The following TESK2 variants were observed in gnomAD, a reference collection of about 807,000 sequenced individuals.
TESK2 encodes dual specificity testis-specific protein kinase 2.
TESK2 carries 39 observed loss-of-function variants against 57.1 expected under a neutral mutation model. The observed-to-expected ratio is 0.68, with a 90% confidence interval of 0.53 to 0.89. The LOEUF (loss-of-function observed/expected upper bound fraction) is 0.89, where lower values mean the gene tolerates loss of function less well. Among genes scored for constraint, TESK2 ranks in the 40% least tolerant of loss-of-function variants. The pLI is 0.00. For missense variants in TESK2, 646 were observed against 732.1 expected (o/e 0.88, Z 1.36); for synonymous variants, 249 against 267.9 (o/e 0.93, Z 0.69).
chr1:45,453,930 C>G (rs1319570656), intron 2 of TESK2, among the ~76,000 whole-genome samples: 1 of 152,102 alleles, frequency 6.6e-6, no homozygotes, highest in Non-Finnish European at 1.5e-5. Flanking sequence ...CTCAATATCA[C>G]TAGTTGTTTA....
Position 45,346,968 on chromosome 1 carries a change from T to C in TESK2, c.792+11A>G. On this transcript the variant is annotated intron_variant, in intron 8 of 10. Coordinates refer to ENST00000372086, the MANE Select transcript of TESK2 (RefSeq NM_007170.3). Reference sequence around the variant, plus strand: ...CCATCAGTGGCAATGATCCCCATGCTTGCAGCTCACCTCTGTGCGGGGAAG... The same window carrying C: ...CCATCAGTGGCAATGATCCCCATGCCTGCAGCTCACCTCTGTGCGGGGAAG... The C allele has an allele frequency of 6.2e-7, 1 of 1,614,022 alleles. No individual in the cohort carries two copies. Among genetic ancestry groups the C allele is most frequent in the Non-Finnish European group, 8.5e-7 (1 of 1,179,852 alleles).
intron 4 of TESK2, among the ~76,000 whole-genome samples, chr1:45,380,975 A>AAT (rs1198313269): frequency 6.6e-6 from 1 of 152,230 alleles, no homozygotes; most frequent in African/African-American, 2.4e-5. Context: ...TTGTAATAGA[A>AAT]ATAGACTTTG....
intron 1 of TESK2, among the ~76,000 whole-genome samples, chr1:45,489,491 C>T (rs1200945721): frequency 1.3e-5 from 2 of 152,172 alleles, no homozygotes; most frequent in Non-Finnish European, 2.9e-5. Flanking sequence ...AGTGATATTT[C>T]AAAACACCTC....
intron 2 of TESK2, among the ~76,000 whole-genome samples, chr1:45,424,070 G>A (rs61791373): frequency 0.038 from 5,724 of 152,210 alleles, 165 homozygotes; most frequent in Middle Eastern, 0.092. Flanking sequence ...GCACAACAGG[G>A]ACTTTACTAT....
At chr1:45,366,798 T>C (rs1647939630) in intron 4 of TESK2, among the ~76,000 whole-genome samples, 1 of 152,148 alleles carries the variant, frequency 6.6e-6, no homozygotes, top group African/African-American at 2.4e-5. Context: ...AGAAATGTGC[T>C]TTTAGAGGAA....
intron 1 of TESK2, among the ~76,000 whole-genome samples, chr1:45,477,491 G>A (rs865879498): frequency 2.6e-5 from 4 of 151,894 alleles, no homozygotes; most frequent in South Asian, 4.2e-4. Flanking sequence ...GCATGATGGC[G>A]GGTGCCTGTA....
intron 10 of TESK2, 87 bp downstream of exon 10, chr1:45,345,790 T>C (rs986288698): frequency 1.1e-5 from 13 of 1,145,298 alleles, no homozygotes; most frequent in Non-Finnish European, 1.7e-5. Context: ...CCTGGGATCC[T>C]GGCAATCACA....
intron 2 of TESK2, among the ~76,000 whole-genome samples, chr1:45,430,851 A>G (rs1223594286): frequency 6.6e-6 from 1 of 152,186 alleles, no homozygotes; most frequent in Non-Finnish European, 1.5e-5. Context: ...ACGGACAGAA[A>G]TAGAGGTTGC....
intron 2 of TESK2, among the ~76,000 whole-genome samples, chr1:45,436,380 TC>T (rs1268800163): frequency 3.3e-5 from 5 of 150,906 alleles, no homozygotes; most frequent in Admixed American, 1.3e-4. Context: ...AGATGGGGTT[TC>T]ACCATGTTGG....
rs747780572 is a variant in TESK2, at chr1:45,345,976, G to A, written c.898C>T (p.Pro300Ser). 6.2e-6 allele frequency: 10 copies of A among 1,613,942 alleles called. No individual in the cohort carries two copies. Among genetic ancestry groups the A allele is most frequent in the Admixed American group, 3.3e-5 (2 of 59,998 alleles). Residue 300 changes from proline to serine, a missense_variant, in exon 10 of 11, where the codon CCA (proline) becomes TCA (serine). Coordinates refer to ENST00000372086, the MANE Select transcript of TESK2 (RefSeq NM_007170.3). Reference protein sequence around the residue: ...NCCNMDPKLRPSFVEIGKTLE... With the variant: ...NCCNMDPKLRSSFVEIGKTLE... Reference sequence around the variant, plus strand: ...GTCTTCCCAATCTCCACAAAAGATGGGCGCAGTTTGGGATCCATCTGTAGG... The same window carrying A: ...GTCTTCCCAATCTCCACAAAAGATGAGCGCAGTTTGGGATCCATCTGTAGG...
At chr1:45,455,770 C>A (rs537543555) in intron 2 of TESK2, among the ~76,000 whole-genome samples, 1 of 151,190 alleles carries the variant, frequency 6.6e-6, no homozygotes, top group East Asian at 1.9e-4. Context: ...TATTTTACTG[C>A]AATAAAAAGT....
intron 2 of TESK2, among the ~76,000 whole-genome samples, chr1:45,439,508 T>A (rs1651355757): frequency 6.6e-6 from 1 of 152,176 alleles, no homozygotes; most frequent in Non-Finnish European, 1.5e-5. Flanking sequence ...ATAGGGTGAA[T>A]TATTTATAAC....
At chr1:45,377,373 A>G (rs1203705231) in intron 4 of TESK2, among the ~76,000 whole-genome samples, 1 of 152,086 alleles carries the variant, frequency 6.6e-6, no homozygotes, top group Non-Finnish European at 1.5e-5. Context: ...ATGAGAAAAA[A>G]TCAAAACTAA....
chr1:45,410,787 T>C (rs1427482357), intron 3 of TESK2, among the ~76,000 whole-genome samples: 1 of 151,860 alleles, frequency 6.6e-6, no homozygotes, highest in Non-Finnish European at 1.5e-5. Flanking sequence ...TTTTTTAACA[T>C]ACATGGTCTC....
chr1:45,359,662 G>A (rs956292859), intron 4 of TESK2, among the ~76,000 whole-genome samples: 2 of 150,714 alleles, frequency 1.3e-5, no homozygotes, highest in African/African-American at 4.9e-5. Context: ...CTAGGAGTTC[G>A]AGACCAGTCT....
intron 3 of TESK2, among the ~76,000 whole-genome samples, chr1:45,395,195 T>G (rs1398187464): frequency 6.6e-6 from 1 of 152,182 alleles, no homozygotes; most frequent in Non-Finnish European, 1.5e-5. Flanking sequence ...GGGGATACAT[T>G]CTGAGAAATG....
intron 1 of TESK2, among the ~76,000 whole-genome samples, chr1:45,467,817 T>C (rs1009499035): frequency 6.6e-6 from 1 of 152,122 alleles, no homozygotes; most frequent in African/African-American, 2.4e-5. Flanking sequence ...ATATATATCT[T>C]AGGCTAAAAC....
chr1:45,441,659 C>T (rs1235476756), intron 2 of TESK2, among the ~76,000 whole-genome samples: 2 of 143,108 alleles, frequency 1.4e-5, no homozygotes, highest in African/African-American at 5.3e-5. Context: ...CACTCTGTTG[C>T]CCAGGCTGGA....
chr1:45,484,196 C>T (rs1231982098), intron 1 of TESK2, among the ~76,000 whole-genome samples: 2 of 148,952 alleles, frequency 1.3e-5, no homozygotes, highest in East Asian at 2.0e-4. Flanking sequence ...GCAACCTGCG[C>T]CTTCCTGGTT....
Sources: allele counts gnomAD v4.1 joint callset (sites outside exome capture counted in the v4.1 genomes callset), GRCh38; gene constraint gnomAD v4.1.1; transcripts MANE v1.5; gene names NCBI Gene and HGNC (gene_info 2026-07-23, HGNC 2026-07-21).